The following CDC14B variants were observed in gnomAD, a reference collection of about 807,000 sequenced individuals.
The protein encoded by CDC14B is cell division cycle 14B.
In CDC14B, 22 loss-of-function variants were observed where a neutral mutation model predicts 64.2. The observed-to-expected ratio is 0.34, with a 90% confidence interval of 0.24 to 0.49. The LOEUF (loss-of-function observed/expected upper bound fraction) is 0.49. Among genes scored for constraint, CDC14B ranks in the 20% least tolerant of loss-of-function variants. The pLI is 0.99. For missense variants in CDC14B, 498 were observed against 629.9 expected, an observed-to-expected ratio of 0.79 and a Z score of 2.24; for synonymous variants, 191 against 215.8, an observed-to-expected ratio of 0.89 and a Z score of 1.01.
At chr9:96,613,252 CAAG>C (rs1847429624) in intron 1 of CDC14B, among the ~76,000 whole-genome samples, 1 of 152,162 alleles carries the variant, frequency 6.6e-6, no homozygotes. Context: ...CAGAAATTTC[CAAG>C]AAATGTCACT....
intron 12 of CDC14B, among the ~76,000 whole-genome samples, chr9:96,521,808 A>C (rs1836772677): frequency 6.6e-6 from 1 of 152,244 alleles, no homozygotes; most frequent in Non-Finnish European, 1.5e-5. Context: ...ACTAGAAGGA[A>C]GAAATCCAAT....
At chr9:96,611,424 C>A (rs1847316885) in intron 1 of CDC14B, among the ~76,000 whole-genome samples, 1 of 152,218 alleles carries the variant, frequency 6.6e-6, no homozygotes, top group Non-Finnish European at 1.5e-5. Context: ...TTACCTCATT[C>A]ATAAAGATGC....
chr9:96,591,554 G>T (rs1845795543), intron 1 of CDC14B, among the ~76,000 whole-genome samples: 1 of 150,656 alleles, frequency 6.6e-6, no homozygotes, highest in Non-Finnish European at 1.5e-5. Flanking sequence ...AGCTTGTTTT[G>T]GATATTCAAT....
At chr9:96,591,739 G>C (rs1000166690) in intron 1 of CDC14B, among the ~76,000 whole-genome samples, 41 of 151,566 alleles carry the variant, frequency 2.7e-4, no homozygotes, top group Non-Finnish European at 2.4e-4. Flanking sequence ...CCATTTATTT[G>C]TGTCTTTAAT....
intron 13 of CDC14B, 102 bp from the exon 14 acceptor site, chr9:96,503,891 T>TA: frequency 1.2e-6 from 1 of 866,538 alleles, no homozygotes; most frequent in South Asian, 1.5e-5. Context: ...ACTGACATGC[T>TA]AAAAAGTATA....
chr9:96,586,800 A>C (rs781517154), intron 1 of CDC14B, among the ~76,000 whole-genome samples: 1 of 152,170 alleles, frequency 6.6e-6, no homozygotes, highest in Non-Finnish European at 1.5e-5. Flanking sequence ...ATAGGGCCTA[A>C]GTTAGCTTTA....
In CDC14B at chr9:96,538,185, A is replaced by C. The variant is rs375748023; in HGVS notation, c.627+893T>G. Among the ~76,000 whole-genome samples the C allele has an allele frequency of 3.9e-5, 6 of 152,350 alleles. No individual in the cohort carries two copies. The South Asian group carries it at 1.2e-3, about 32-fold the overall frequency. Reference sequence around the variant, plus strand: ...CTTATTCTATGCTAAGGGTTTTAAAAGCATCTCAATCACTGTGTGACAGCC... The same window carrying C: ...CTTATTCTATGCTAAGGGTTTTAAACGCATCTCAATCACTGTGTGACAGCC... On this transcript the variant is annotated intron_variant, in intron 7 of 13. Coordinates refer to ENST00000375241, the MANE Select transcript of CDC14B (RefSeq NM_033331.4).
intron 1 of CDC14B, among the ~76,000 whole-genome samples, chr9:96,575,224 G>A (rs16911311): frequency 6.6e-6 from 1 of 152,150 alleles, no homozygotes; most frequent in East Asian, 1.9e-4. Flanking sequence ...CTGTCCTTGT[G>A]GTTGTCCGAT....
chr9:96,549,238 A>C (rs1175778090), intron 5 of CDC14B, among the ~76,000 whole-genome samples: 1 of 152,206 alleles, frequency 6.6e-6, no homozygotes, highest in Non-Finnish European at 1.5e-5. Context: ...GGGAAAAAAA[A>C]CAAAATACAA....
intron 9 of CDC14B, among the ~76,000 whole-genome samples, chr9:96,533,512 A>G (rs16911110): frequency 0.028 from 4,298 of 152,320 alleles, 180 homozygotes; most frequent in African/African-American, 0.098. Context: ...AGTTAAATAA[A>G]TCCTACTATC....
At chr9:96,571,521 C>A (rs942446887) in intron 1 of CDC14B, among the ~76,000 whole-genome samples, 1 of 151,590 alleles carries the variant, frequency 6.6e-6, no homozygotes, top group Non-Finnish European at 1.5e-5. Flanking sequence ...TAAAGTGTGA[C>A]AAAAAACAAG....
At chr9:96,540,991 C>T (rs766245872) in intron 6 of CDC14B, among the ~76,000 whole-genome samples, 1 of 152,190 alleles carries the variant, frequency 6.6e-6, no homozygotes, top group African/African-American at 2.4e-5. Context: ...TTAGTCCTCT[C>T]GTTTTAAGAC....
At chr9:96,523,458 G>A in intron 10 of CDC14B, 38 bp from the exon 11 acceptor site, 2 of 1,605,168 alleles carry the variant, frequency 1.2e-6, no homozygotes, top group African/African-American at 2.7e-5. Context: ...GAGCTTTCCA[G>A]AAAGATACAT....
chr9:96,541,957 A>G, intron 5 of CDC14B, 65 bp from the exon 6 acceptor site: 1 of 1,074,454 alleles, frequency 9.3e-7, no homozygotes, highest in Non-Finnish European at 1.4e-6. Flanking sequence ...ACCTAAGACA[A>G]AGGTGACTAG....
chr9:96,587,665 C>T (rs551075433), intron 1 of CDC14B, among the ~76,000 whole-genome samples: 1 of 152,210 alleles, frequency 6.6e-6, no homozygotes, highest in Non-Finnish European at 1.5e-5. Flanking sequence ...CTTCACCTTT[C>T]ACCAGTCTGA....
intron 9 of CDC14B, among the ~76,000 whole-genome samples, chr9:96,532,649 T>A (rs1043157463): frequency 6.6e-6 from 1 of 152,182 alleles, no homozygotes; most frequent in East Asian, 1.9e-4. Context: ...ATTTATGTTA[T>A]GCTCTTTATT....
At chr9:96,522,856 GCT>G (rs1836958301) in intron 11 of CDC14B, among the ~76,000 whole-genome samples, 1 of 152,152 alleles carries the variant, frequency 6.6e-6, no homozygotes, top group Non-Finnish European at 1.5e-5. Flanking sequence ...GTTTGAAAAC[GCT>G]CTTTTTAAAA....
At chr9:96,597,699 CA>C (rs1005360304) in intron 1 of CDC14B, among the ~76,000 whole-genome samples, 2 of 151,896 alleles carry the variant, frequency 1.3e-5, no homozygotes, top group African/African-American at 4.8e-5. Context: ...AGATATCTTC[CA>C]GGTAGAAGGA....
chr9:96,541,481 C>A (rs1047605198), intron 6 of CDC14B, among the ~76,000 whole-genome samples: 5 of 152,174 alleles, frequency 3.3e-5, no homozygotes, highest in Admixed American at 2.0e-4. Context: ...ATATACAAAT[C>A]AAAGAGAACT....
Sources: allele counts gnomAD v4.1 joint callset (sites outside exome capture counted in the v4.1 genomes callset), GRCh38; gene constraint gnomAD v4.1.1; transcripts MANE v1.5; gene names NCBI Gene and HGNC (gene_info 2026-07-23, HGNC 2026-07-21).